Variants in SCLY observed in about 807,000 individuals in gnomAD.
SCLY encodes selenocysteine lyase.
A neutral mutation model predicts 50.1 loss-of-function variants in SCLY; 38 were observed. The ratio of observed to expected loss-of-function variants is 0.76; its 90% confidence interval spans 0.59 to 0.99. The LOEUF (loss-of-function observed/expected upper bound fraction) is 0.99, where lower values mean the gene tolerates loss of function less well. Among genes scored for constraint, SCLY ranks in the 50% least tolerant of loss-of-function variants. The probability of loss-of-function intolerance (pLI) is 0.00; values close to 1 mark genes in which losing one functional copy is unlikely to be tolerated. For missense variants in SCLY, 600 were observed against 620.0 expected (o/e 0.97, Z 0.34); for synonymous variants, 243 against 249.4 (o/e 0.97, Z 0.24).
rs746267923 is a variant in SCLY at position 238,069,340 on chromosome 2, C to T, written c.347C>T (p.Ala116Val). The change falls in exon 4 of 12, where the codon GCA becomes GTA. Residue 116 changes from alanine to valine, a missense_variant. Ala to Val is a moderately conservative substitution (Grantham distance 64). Coordinates refer to ENST00000254663, the MANE Select transcript of SCLY (RefSeq NM_016510.7). The surrounding 1 kb of genome is among the most constrained non-coding windows in gnomAD (Gnocchi z 5.0). ...VIHSVVKHFH[A>V]NQTSKGHTGG... ...CATTCTGTGGTGAAACATTTCCACGCAAACCAGACCTCAAAGGGACACACA... is the reference window on the plus strand; with the variant it reads ...CATTCTGTGGTGAAACATTTCCACGTAAACCAGACCTCAAAGGGACACACA... 1.2e-6 allele frequency: 2 copies of T among 1,613,994 alleles called. No homozygotes were observed. The highest frequency in any genetic ancestry group is 1.7e-6 in the Non-Finnish European group (2 of 1,179,956).
At chr2:238,094,377 T>A in intron 9 of SCLY, 43 bp from the exon 10 acceptor site, 1 of 1,489,834 alleles carries the variant, frequency 6.7e-7, no homozygotes. Flanking sequence ...CTGGTGGTGG[T>A]GTCTTTGAAG....
rs1691306545 is a variant in SCLY, at chr2:238,098,579, G to GA, written c.*225dup. 12 of 394,772 alleles carry GA rather than the reference G, an allele frequency of 3.0e-5. No homozygotes were observed. The highest frequency in any genetic ancestry group is 5.1e-5 in the South Asian group (1 of 19,760). The allele number at this position is 394,772 out of a possible 1,614,324, so 24.5% of individuals were successfully genotyped here. A position where few individuals can be genotyped will look rare whatever the true frequency, so the allele number is the denominator to read the frequency against. ...ACGCCGCATAGGACTGCCCACATGG[G>GA]ACCGCCCACATAGGACCGCCCACAT... On this transcript the variant is annotated 3_prime_UTR_variant, in exon 12 of 12. Transcript: ENST00000254663.
At chr2:238,086,745 C>T (rs2065302073) in intron 7 of SCLY, among the ~76,000 whole-genome samples, 2 of 148,180 alleles carry the variant, frequency 1.3e-5, no homozygotes, top group South Asian at 4.3e-4. Context: ...ATTGGCCAGG[C>T]ACGGTGGCTC....
At chr2:238,070,124 A>G (rs530749863) in intron 4 of SCLY, among the ~76,000 whole-genome samples, 5 of 152,332 alleles carry the variant, frequency 3.3e-5, no homozygotes, top group African/African-American at 1.2e-4. Flanking sequence ...TGTGGCTGTC[A>G]CACAGCACGG....
At chr2:238,097,727 C>T (rs544453720) in intron 11 of SCLY, among the ~76,000 whole-genome samples, 26 of 152,238 alleles carry the variant, frequency 1.7e-4, no homozygotes, top group African/African-American at 6.0e-4. Flanking sequence ...CCTCCAACAG[C>T]CTTGCTTCAG....
chr2:238,064,668 T>A (rs1294932028), intron 2 of SCLY, 199 bp downstream of exon 2: 7 of 421,962 alleles, frequency 1.7e-5, no homozygotes, highest in Non-Finnish European at 2.6e-5. Flanking sequence ...CTGTAATCTT[T>A]AACCTTTAAT....
chr2:238,088,186 G>C (rs1330778613), intron 7 of SCLY, among the ~76,000 whole-genome samples: 1 of 152,240 alleles, frequency 6.6e-6, no homozygotes, highest in Non-Finnish European at 1.5e-5. Flanking sequence ...CTAGAGCCGG[G>C]AGTGGTAGCT....
chr2:238,082,811 C>G (rs903798795), intron 6 of SCLY: 8 of 253,098 alleles, frequency 3.2e-5, no homozygotes, highest in African/African-American at 1.6e-4. Flanking sequence ...TGGCCTGACA[C>G]TGGCACTCCA....
intron 10 of SCLY, among the ~76,000 whole-genome samples, chr2:238,096,369 A>G (rs2065436233): frequency 6.6e-6 from 1 of 152,236 alleles, no homozygotes; most frequent in Admixed American, 6.5e-5. Flanking sequence ...CAGGTTAATT[A>G]CATCAGCAGT....
rs1173047553 is a variant in SCLY at position 238,099,182 on chromosome 2, G to A, written c.*827G>A. 8 of 462,294 alleles carry A rather than the reference G, an allele frequency of 1.7e-5. No individual in the cohort carries two copies. Among genetic ancestry groups the A allele is most frequent in the Admixed American group, 1.4e-4 (6 of 41,490 alleles). The allele number at this position is 462,294 out of a possible 1,614,324, so 28.6% of individuals were successfully genotyped here. On this transcript the variant is annotated 3_prime_UTR_variant, in exon 12 of 12. Coordinates refer to ENST00000254663, the MANE Select transcript of SCLY (RefSeq NM_016510.7). Reference sequence around the variant, plus strand: ...GCAGCTCCAGGTCATTCCTGGGGTGGGAATCGGATCATCCCTGACTCAGCT... The same window carrying A: ...GCAGCTCCAGGTCATTCCTGGGGTGAGAATCGGATCATCCCTGACTCAGCT...
At chr2:238,061,382 A>G in intron 1 of SCLY, 1 of 676,770 alleles carries the variant, frequency 1.5e-6, no homozygotes. Flanking sequence ...AGTGACTTCC[A>G]GGGGTGAGGT....
chr2:238,061,199 C>G (rs1419788677), intron 1 of SCLY, 56 bp downstream of exon 1: 2 of 1,330,534 alleles, frequency 1.5e-6, no homozygotes, highest in Non-Finnish European at 2.1e-6. Context: ...CCGATTGTCC[C>G]GCGCGGGAGG....
chr2:238,063,540 G>A (rs998156958), intron 1 of SCLY, among the ~76,000 whole-genome samples: 1 of 152,174 alleles, frequency 6.6e-6, no homozygotes, highest in Non-Finnish European at 1.5e-5. Flanking sequence ...GTTTTAAGCA[G>A]AGCTGCAGGG....
chr2:238,098,661 A>AGAACCGCCCACATGG lies in SCLY; in HGVS notation c.*312_*313insCCCACATGGGAACCG, dbSNP rs1691356659. ...ACCGCCCACATGGGACCGCCCACAT[A>AGAACCGCCCACATGG]GAACCGTCCTCCAGTGGTGAAGCGG... On this transcript the variant is annotated 3_prime_UTR_variant, in exon 12 of 12. Coordinates refer to ENST00000254663, the MANE Select transcript of SCLY (RefSeq NM_016510.7). 1 of 201,444 alleles carries AGAACCGCCCACATGG rather than the reference A, an allele frequency of 5.0e-6. No individual in the cohort carries two copies. The highest frequency in any genetic ancestry group is 8.6e-5 in the Admixed American group (1 of 11,610). The allele number at this position is 201,444 out of a possible 1,614,324, so 12.5% of individuals were successfully genotyped here.
In SCLY at chr2:238,098,267, G is replaced by T. The variant is rs548020087; in HGVS notation, c.1250G>T (p.Ser417Ile). The change falls in exon 12 of 12, where the codon AGC becomes ATC. Residue 417 changes from serine (S) to isoleucine (I), a missense_variant. Ser to Ile is a moderately radical substitution (Grantham distance 142, BLOSUM62 -2). Coordinates refer to ENST00000254663, the MANE Select transcript of SCLY (RefSeq NM_016510.7). ...FDVARNALRL[S>I]VGRSTTRAEV... ...GTGGCCAGGAACGCGCTCCGGCTCA[G>T]CGTGGGCCGCAGCACCACCAGGGCC... 1.2e-6 allele frequency: 2 copies of T among 1,610,452 alleles called. No individual in the cohort carries two copies. The highest frequency in any genetic ancestry group is 1.7e-6 in the Non-Finnish European group (2 of 1,179,658).
intron 8 of SCLY, chr2:238,091,558 AAG>A: frequency 8.8e-5 from 28 of 318,912 alleles, no homozygotes; most frequent in South Asian, 2.0e-4. Context: ...ACCATTCCCA[AAG>A]GCGTCGGCAG....
chr2:238,091,559 A>ATC, intron 8 of SCLY: 1 of 322,630 alleles, frequency 3.1e-6, no homozygotes, highest in Non-Finnish European at 5.9e-6. Flanking sequence ...CCATTCCCAA[A>ATC]GGCGTCGGCA....
intron 9 of SCLY, 128 bp from the exon 10 acceptor site, chr2:238,094,292 C>A: frequency 1.3e-6 from 1 of 791,130 alleles, no homozygotes. Context: ...CGTAACTATT[C>A]TGGGTAGATG....
At chr2:238,061,242 G>A in intron 1 of SCLY, 99 bp downstream of exon 1, 1 of 921,870 alleles carries the variant, frequency 1.1e-6, no homozygotes, top group African/African-American at 1.6e-5. Context: ...GGCCGCTCTC[G>A]CGTGGGGCGT....
Sources: allele counts gnomAD v4.1 joint callset (sites outside exome capture counted in the v4.1 genomes callset), GRCh38; gene constraint gnomAD v4.1.1; non-coding constraint Gnocchi (gnomAD v3.1); transcripts MANE v1.5; gene names NCBI Gene and HGNC (gene_info 2026-07-23, HGNC 2026-07-21).